Variants in FTO observed in about 807,000 individuals in gnomAD.
FTO encodes the protein FTO alpha-ketoglutarate dependent dioxygenase.
In FTO, 47 loss-of-function variants were observed where a neutral mutation model predicts 63.9. The ratio of observed to expected loss-of-function variants is 0.74; its 90% CI spans 0.58 to 0.94. FTO has a LOEUF of 0.94. FTO is among the 40% of genes least tolerant of loss of function. FTO has a pLI of 0.00. For synonymous variants in FTO, 207 were observed against 224.4 expected (o/e 0.92, Z 0.69); for missense variants, 562 against 618.1 (o/e 0.91, Z 0.96).
chr16:53,995,556 C>A (rs148143732), intron 8 of FTO, among the ~76,000 whole-genome samples: 62 of 152,286 alleles, frequency 4.1e-4, no homozygotes, highest in Middle Eastern at 3.4e-3. Context: ...GGCAGCCACA[C>A]CAGTGTTATG....
chr16:54,095,051 CTGGGCATGCCTAACTCTTTTTT>C (rs2086484695), intron 8 of FTO, among the ~76,000 whole-genome samples: 1 of 152,160 alleles, frequency 6.6e-6, no homozygotes, highest in Non-Finnish European at 1.5e-5. Flanking sequence ...TTGCTGTCCC[CTGGGCATGCCTAACTCTTTTTT>C]CTTTCTTTTT....
At chr16:54,072,788 G>A (rs1348677821) in intron 8 of FTO, among the ~76,000 whole-genome samples, 1 of 152,088 alleles carries the variant, frequency 6.6e-6, no homozygotes, top group Non-Finnish European at 1.5e-5. Context: ...TACCACAGGG[G>A]GCTTCCGTTT....
At chr16:54,094,097 G>A (rs189036375) in intron 8 of FTO, among the ~76,000 whole-genome samples, 48 of 152,214 alleles carry the variant, frequency 3.2e-4, no homozygotes, top group African/African-American at 9.4e-4. Flanking sequence ...TCAAAGCCCC[G>A]AAATGTGACA....
At chr16:53,838,997 G>A (rs767346183) in intron 3 of FTO, among the ~76,000 whole-genome samples, 28 of 152,090 alleles carry the variant, frequency 1.8e-4, no homozygotes, top group Non-Finnish European at 2.9e-4. Flanking sequence ...AATCTCTACT[G>A]TCATACTCTG....
intron 4 of FTO, among the ~76,000 whole-genome samples, chr16:53,862,597 G>T (rs2151857120): frequency 6.8e-6 from 1 of 146,908 alleles, no homozygotes; most frequent in East Asian, 2.0e-4. Flanking sequence ...GTACATTGGT[G>T]TGATCTCGGC....
At chr16:53,872,315 G>A (rs8060833) in intron 4 of FTO, among the ~76,000 whole-genome samples, 17,810 of 152,182 alleles carry the variant, frequency 0.12, 2,150 homozygotes, top group African/African-American at 0.31. Context: ...ATACTTGAGG[G>A]AACCTTCCTG....
At chr16:53,878,816 G>A (rs1027549335) in intron 5 of FTO, among the ~76,000 whole-genome samples, 1 of 152,170 alleles carries the variant, frequency 6.6e-6, no homozygotes, top group Non-Finnish European at 1.5e-5. Context: ...ACTCAGAGAG[G>A]GATGAACTAG....
At chr16:53,802,471 G>GT (rs2078253262) in intron 1 of FTO, among the ~76,000 whole-genome samples, 1 of 151,938 alleles carries the variant, frequency 6.6e-6, no homozygotes, top group Non-Finnish European at 1.5e-5. Context: ...TTGTCTGACT[G>GT]CTTTTAAGAC....
intron 1 of FTO, among the ~76,000 whole-genome samples, chr16:53,784,556 A>T (rs1284295074): frequency 3.9e-5 from 6 of 152,158 alleles, no homozygotes; most frequent in Non-Finnish European, 1.5e-5. Flanking sequence ...AGGTGTTGGC[A>T]GGGAGAGGCT....
chr16:53,934,388 G>A (rs1012681413), intron 8 of FTO, among the ~76,000 whole-genome samples: 2 of 152,180 alleles, frequency 1.3e-5, no homozygotes, highest in African/African-American at 4.8e-5. Flanking sequence ...ATAAGTACCT[G>A]ATGCTGAAGA....
intron 1 of FTO, among the ~76,000 whole-genome samples, chr16:53,780,220 A>G (rs1399696537): frequency 6.6e-6 from 1 of 151,962 alleles, no homozygotes; most frequent in Non-Finnish European, 1.5e-5. Context: ...CTCCAGACTC[A>G]CTGGCTTGCT....
chr16:54,032,024 A>T (rs1371202614), intron 8 of FTO, among the ~76,000 whole-genome samples: 2 of 152,236 alleles, frequency 1.3e-5, no homozygotes, highest in Non-Finnish European at 2.9e-5. Flanking sequence ...TATGGGAGGC[A>T]TCAAAAGATG....
chr16:53,760,231 TGTGTGTGTGTGTGTGTGTGTGTG>T (rs1481777698), intron 1 of FTO, among the ~76,000 whole-genome samples: 2,238 of 30,814 alleles, frequency 0.073, 102 homozygotes, highest in African/African-American at 0.29. Flanking sequence ...TGTGTGTGTG[TGTGTGTGTGTGTGTGTGTGTGTG>T]TGTGTGTTTT....
chr16:53,720,699 G>A (rs796813281), intron 1 of FTO, among the ~76,000 whole-genome samples: 6 of 146,982 alleles, frequency 4.1e-5, no homozygotes, highest in African/African-American at 1.2e-4. Flanking sequence ...TGTGTCTTCC[G>A]AAGTATCTAG....
chr16:53,854,441 G>A (rs1325210321), intron 4 of FTO, among the ~76,000 whole-genome samples: 9 of 152,152 alleles, frequency 5.9e-5, no homozygotes, highest in Admixed American at 5.9e-4. Context: ...TTAGATTTAA[G>A]TCTTTAATCC....
rs1407630370 is a variant in FTO, at chr16:54,117,373, C to T, written c.*5458C>T. 1.3e-5 allele frequency: 2 copies of T among 152,130 alleles called. No individual in the cohort carries two copies. Among genetic ancestry groups the T allele is most frequent in the Non-Finnish European group, 2.9e-5 (2 of 68,042 alleles). 9.4% of individuals were successfully genotyped at this position (152,130 alleles called of 1,614,324 possible). A position where few individuals can be genotyped will look rare whatever the true frequency, so the allele number is the denominator to read the frequency against. On this transcript the variant is annotated 3_prime_UTR_variant, in exon 9 of 9. Transcript: ENST00000471389. Reference sequence around the variant, plus strand: ...TTGTGACTGGGCCAAATCACTTAACCCCTCTGCGCTCCAGTCTTTGTTTCT... The same window carrying T: ...TTGTGACTGGGCCAAATCACTTAACTCCTCTGCGCTCCAGTCTTTGTTTCT...
Position 53,934,110 on chromosome 16 carries a change from G to T in FTO, c.1364+1G>T. The T allele has an allele frequency of 6.2e-7, 1 of 1,614,118 alleles. No individual in the cohort carries two copies. The highest frequency in any genetic ancestry group is 8.5e-7 in the Non-Finnish European group (1 of 1,179,962). ...ACCTGAGGAGAGAATGGCATGCCAGGTTAGTTCTGTTGTGAAATGGGATTT... is the reference window on the plus strand; with the variant it reads ...ACCTGAGGAGAGAATGGCATGCCAGTTTAGTTCTGTTGTGAAATGGGATTT... On this transcript the variant is annotated splice_donor_variant, in intron 8 of 8. Transcript: ENST00000471389. LOFTEE classifies it high-confidence loss of function.
intron 8 of FTO, among the ~76,000 whole-genome samples, chr16:53,974,307 G>A (rs2083390095): frequency 6.6e-6 from 1 of 152,058 alleles, no homozygotes; most frequent in Non-Finnish European, 1.5e-5. Context: ...TTTGAAACAT[G>A]AATAAATAAC....
chr16:53,876,371 G>A lies in FTO; in HGVS notation c.975+2506G>A, dbSNP rs180768592. Among the ~76,000 whole-genome samples, 10 of 152,340 alleles carry A rather than the reference G, an allele frequency of 6.6e-5. No individual in the cohort carries two copies. The East Asian group carries it at 1.9e-3, about 29-fold the overall frequency. ...ATCAATATATAGCACTTAGCGAGGA[G>A]TAGGTAATGGCTTTTTAGATATGAC... On this transcript the variant is annotated intron_variant, in intron 5 of 8. Coordinates refer to ENST00000471389, the MANE Select transcript of FTO (RefSeq NM_001080432.3).
Sources: allele counts gnomAD v4.1 joint callset (sites outside exome capture counted in the v4.1 genomes callset), GRCh38; gene constraint gnomAD v4.1.1; transcripts MANE v1.5; gene names NCBI Gene and HGNC (gene_info 2026-07-23, HGNC 2026-07-21).